Variants in TAFA1 observed in about 807,000 individuals in gnomAD.
TAFA1 encodes the protein chemokine-like protein TAFA-1.
In TAFA1, 4 loss-of-function variants were observed where a neutral mutation model predicts 18.5. That is an observed-to-expected ratio of 0.22 (90% confidence interval 0.11 to 0.49). TAFA1 has a LOEUF of 0.49. Ranked by LOEUF, TAFA1 falls within the 20% of genes least tolerant of loss-of-function variation. The pLI is 0.98. For missense variants in TAFA1, 147 were observed against 169.0 expected, an observed-to-expected ratio of 0.87 and a Z score of 0.72; for synonymous variants, 56 against 55.2, an observed-to-expected ratio of 1.01 and a Z score of -0.06.
chr3:68,057,655 G>T (rs1474205813), intron 2 of TAFA1, among the ~76,000 whole-genome samples: 1 of 152,198 alleles, frequency 6.6e-6, no homozygotes, highest in Non-Finnish European at 1.5e-5. Flanking sequence ...GGACTTTGCA[G>T]GTGTTTTTAA....
At chr3:68,006,441 T>G in intron 1 of TAFA1, 183 bp from the exon 2 acceptor site, 1 of 552,156 alleles carries the variant, frequency 1.8e-6, no homozygotes, top group Non-Finnish European at 3.3e-6. Context: ...GAATGTATGA[T>G]CATCTGAAAA....
chr3:68,314,426 C>A (rs1462861434), intron 2 of TAFA1, among the ~76,000 whole-genome samples: 7 of 152,168 alleles, frequency 4.6e-5, no homozygotes, highest in Non-Finnish European at 4.4e-5. Flanking sequence ...CCTGTCACTT[C>A]CTCAGTTCCC....
chr3:68,060,322 G>A (rs2064587042), intron 2 of TAFA1, among the ~76,000 whole-genome samples: 1 of 152,010 alleles, frequency 6.6e-6, no homozygotes, highest in African/African-American at 2.4e-5. Flanking sequence ...GCCTTCTCCT[G>A]TGGCACCACC....
intron 2 of TAFA1, among the ~76,000 whole-genome samples, chr3:68,056,684 G>T (rs956191188): frequency 6.6e-6 from 1 of 152,172 alleles, no homozygotes; most frequent in Non-Finnish European, 1.5e-5. Context: ...AGAAGCAAGG[G>T]TGTGGGAGAT....
intron 2 of TAFA1, among the ~76,000 whole-genome samples, chr3:68,114,181 C>T (rs906048771): frequency 4.6e-5 from 7 of 151,918 alleles, no homozygotes; most frequent in East Asian, 1.9e-4. Flanking sequence ...TACAGGAGGA[C>T]GTAGGAGACG....
chr3:68,156,440 G>C (rs2065867501), intron 2 of TAFA1, among the ~76,000 whole-genome samples: 1 of 152,114 alleles, frequency 6.6e-6, no homozygotes, highest in Non-Finnish European at 1.5e-5. Flanking sequence ...TCCTGGGTCT[G>C]CTTCTTATTA....
intron 2 of TAFA1, among the ~76,000 whole-genome samples, chr3:68,166,133 G>T (rs753434423): frequency 1.3e-5 from 2 of 152,214 alleles, no homozygotes; most frequent in Non-Finnish European, 2.9e-5. Context: ...CTGAAATTCA[G>T]TGTGGCCAGA....
intron 3 of TAFA1, among the ~76,000 whole-genome samples, chr3:68,435,954 C>T (rs2071260846): frequency 6.6e-6 from 1 of 152,086 alleles, no homozygotes; most frequent in African/African-American, 2.4e-5. Flanking sequence ...TGGCCACACC[C>T]CTAGATATTT....
chr3:68,297,276 G>A (rs2068224870), intron 2 of TAFA1, among the ~76,000 whole-genome samples: 2 of 152,172 alleles, frequency 1.3e-5, no homozygotes, highest in Admixed American at 6.5e-5. Context: ...CATTGGCTAA[G>A]GTTGTAGGGA....
rs1575811828 is a variant in TAFA1, at chr3:68,370,506, A to ATATATATACATATG, written c.119-46766_119-46765insCATATGTATATATA. ...TATATATATATATATATATATATAT[A>ATATATATACATATG]TATATATATACCCACATATGTATTT... On this transcript the variant is annotated intron_variant, in intron 2 of 4. Coordinates refer to ENST00000478136, the MANE Select transcript of TAFA1 (RefSeq NM_213609.4). 2.7e-5 allele frequency among the ~76,000 whole-genome samples: 2 copies of ATATATATACATATG among 75,074 alleles called. 1 individual carries two copies. The highest frequency in any genetic ancestry group is 5.0e-5 in the Non-Finnish European group (2 of 39,818). 49.3% of individuals were successfully genotyped at this position (75,074 alleles called of 152,430 possible).
intron 3 of TAFA1, among the ~76,000 whole-genome samples, chr3:68,475,914 TGAG>T (rs2072085502): frequency 6.6e-6 from 1 of 152,256 alleles, no homozygotes; most frequent in Non-Finnish European, 1.5e-5. Flanking sequence ...TGGCCAGTGA[TGAG>T]GAGCATTTTT....
chr3:68,454,633 T>G (rs2071624464), intron 3 of TAFA1, among the ~76,000 whole-genome samples: 1 of 152,174 alleles, frequency 6.6e-6, no homozygotes, highest in African/African-American at 2.4e-5. Context: ...AGTGACAAGT[T>G]TTTGTTACTG....
intron 2 of TAFA1, among the ~76,000 whole-genome samples, chr3:68,385,580 C>T (rs1048860122): frequency 9.9e-5 from 15 of 152,046 alleles, no homozygotes; most frequent in Middle Eastern, 3.4e-3. Context: ...TGAATAAATC[C>T]GCATGAAGCA....
intron 2 of TAFA1, among the ~76,000 whole-genome samples, chr3:68,008,026 G>A (rs1704397621): frequency 6.6e-6 from 1 of 152,252 alleles, no homozygotes; most frequent in Non-Finnish European, 1.5e-5. Flanking sequence ...GCCGCCCCGG[G>A]AGAAGGGGTG....
At chr3:68,045,515 G>A (rs971588772) in intron 2 of TAFA1, among the ~76,000 whole-genome samples, 2 of 152,052 alleles carry the variant, frequency 1.3e-5, no homozygotes, top group South Asian at 2.1e-4. Context: ...CAAATTGTGC[G>A]GCCTTGGGAA....
At chr3:68,113,010 A>C (rs1457239236) in intron 2 of TAFA1, among the ~76,000 whole-genome samples, 2 of 152,186 alleles carry the variant, frequency 1.3e-5, no homozygotes, top group Non-Finnish European at 2.9e-5. Flanking sequence ...ATTACTTTTT[A>C]CACTCAATGT....
rs201634046 is a variant in TAFA1 at position 68,286,246 on chromosome 3, A to T, written c.119-131034A>T. The stretch of plus-strand genomic sequence containing the variant: ...TAATAATCATAACAAATTTAAAAAA[A>T]TTTTTTAAATTAAAAATATTTTTTT... On this transcript the variant is annotated intron_variant, in intron 2 of 4. Transcript: ENST00000478136. Among the ~76,000 whole-genome samples the T allele has an allele frequency of 0.012, 1,767 of 152,038 alleles. 60 individuals are homozygous for T. The East Asian group carries it at 0.13, about 11-fold the overall frequency.
At chr3:68,432,709 A>G (rs534588041) in intron 3 of TAFA1, among the ~76,000 whole-genome samples, 19 of 152,146 alleles carry the variant, frequency 1.2e-4, no homozygotes, top group Non-Finnish European at 2.2e-4. Flanking sequence ...TACTGAGGAC[A>G]TCTTCTAATC....
intron 2 of TAFA1, among the ~76,000 whole-genome samples, chr3:68,333,495 G>T (rs1009239625): frequency 1.3e-5 from 2 of 152,040 alleles, no homozygotes; most frequent in Non-Finnish European, 2.9e-5. Context: ...GGTGGGTGGA[G>T]GGTGATCAAA....
Sources: gnomAD v4.1 joint callset for allele counts (sites outside exome capture counted in the v4.1 genomes callset) on GRCh38, gnomAD v4.1.1 for gene constraint, MANE v1.5 for transcripts, NCBI Gene and HGNC (gene_info 2026-07-23, HGNC 2026-07-21) for gene names.